Variants in DLGAP1 observed in about 807,000 individuals in gnomAD.
DLGAP1 encodes DLG associated protein 1, also known as disks large-associated protein 1.
In DLGAP1, 11 loss-of-function variants were observed where a neutral mutation model predicts 90.8. The ratio of observed to expected loss-of-function variants is 0.12; its 90% confidence interval spans 0.08 to 0.20. The LOEUF (loss-of-function observed/expected upper bound fraction) is 0.20, where lower values mean the gene tolerates loss of function less well. DLGAP1 is among the 10% of genes least tolerant of loss of function. DLGAP1 has a pLI of 1.00. For missense variants in DLGAP1, 1,050 were observed against 1,333.8 expected, an observed-to-expected ratio of 0.79 and a Z score of 3.31; for synonymous variants, 558 against 540.7, an observed-to-expected ratio of 1.03 and a Z score of -0.44.
chr18:3,816,191 A>G (rs2067095927), intron 4 of DLGAP1, among the ~76,000 whole-genome samples: 2 of 152,188 alleles, frequency 1.3e-5, no homozygotes, highest in African/African-American at 4.8e-5. Context: ...GAAGGTGAGT[A>G]ACTTGCCAAA....
Position 4,345,971 on chromosome 18 carries a change from G to A in DLGAP1, c.-267+109035C>T, listed in dbSNP as rs191352178. Reference sequence around the variant, plus strand: ...TTATATCTAAGCAAAGTGGATGCATGCTGATCCTTTCAAGAAGGTGTCCCG... The same window carrying A: ...TTATATCTAAGCAAAGTGGATGCATACTGATCCTTTCAAGAAGGTGTCCCG... On this transcript the variant is annotated intron_variant, in intron 1 of 12. Transcript: ENST00000315677. 1.3e-4 allele frequency among the ~76,000 whole-genome samples: 20 copies of A among 152,322 alleles called. No individual in the cohort carries two copies. In the East Asian group the frequency reaches 3.9e-3, roughly 29 times the overall value.
chr18:4,379,270 G>C (rs2082072229), intron 1 of DLGAP1, among the ~76,000 whole-genome samples: 1 of 152,070 alleles, frequency 6.6e-6, no homozygotes, highest in Non-Finnish European at 1.5e-5. Flanking sequence ...AGAGGAGATG[G>C]GACAGGAATA....
chr18:4,194,168 C>A (rs1479099928), intron 1 of DLGAP1, among the ~76,000 whole-genome samples: 1 of 152,106 alleles, frequency 6.6e-6, no homozygotes, highest in Non-Finnish European at 1.5e-5. Context: ...TTCCCTTCCG[C>A]ACCAGTAGAC....
chr18:3,622,797 CT>C (rs968901381), intron 7 of DLGAP1, among the ~76,000 whole-genome samples: 6 of 151,464 alleles, frequency 4.0e-5, no homozygotes, highest in Non-Finnish European at 7.4e-5. Context: ...TCATTGATTT[CT>C]TTTTTTTTCT....
At chr18:4,345,782 T>G (rs1320371177) in intron 1 of DLGAP1, among the ~76,000 whole-genome samples, 1 of 152,232 alleles carries the variant, frequency 6.6e-6, no homozygotes, top group Non-Finnish European at 1.5e-5. Context: ...GCTATGTGTC[T>G]AGTTAGTTAA....
At chr18:3,706,059 G>A (rs975584415) in intron 7 of DLGAP1, among the ~76,000 whole-genome samples, 7 of 149,478 alleles carry the variant, frequency 4.7e-5, no homozygotes, top group East Asian at 2.0e-4. Context: ...TTGCCCAGGC[G>A]CAATCTCTGC....
chr18:4,279,400 G>A (rs2079496675), intron 1 of DLGAP1, among the ~76,000 whole-genome samples: 1 of 152,106 alleles, frequency 6.6e-6, no homozygotes, highest in African/African-American at 2.4e-5. Flanking sequence ...ATATGTTTTT[G>A]CAGTGATTTC....
At chr18:4,163,682 A>G (rs1277680866) in intron 1 of DLGAP1, among the ~76,000 whole-genome samples, 1 of 152,232 alleles carries the variant, frequency 6.6e-6, no homozygotes, top group Non-Finnish European at 1.5e-5. Flanking sequence ...AAGCAAAAAC[A>G]GTGAACAGAA....
chr18:4,307,521 A>T (rs1468204005), intron 1 of DLGAP1, among the ~76,000 whole-genome samples: 4 of 152,144 alleles, frequency 2.6e-5, no homozygotes. Flanking sequence ...TACATAAATT[A>T]TTTCATGTAT....
intron 4 of DLGAP1, among the ~76,000 whole-genome samples, chr18:3,862,857 A>G (rs1228225715): frequency 6.6e-6 from 1 of 152,256 alleles, no homozygotes; most frequent in African/African-American, 2.4e-5. Context: ...CATGGAGGAC[A>G]GGCATTCAAG....
At chr18:3,858,259 T>A (rs1272628358) in intron 4 of DLGAP1, among the ~76,000 whole-genome samples, 1 of 152,122 alleles carries the variant, frequency 6.6e-6, no homozygotes, top group African/African-American at 2.4e-5. Context: ...AATCACTAAG[T>A]CCAGGTGATT....
At chr18:3,855,016 T>C (rs560845217) in intron 4 of DLGAP1, among the ~76,000 whole-genome samples, 1 of 152,266 alleles carries the variant, frequency 6.6e-6, no homozygotes, top group African/African-American at 2.4e-5. Context: ...ATATTCACAA[T>C]AGCAAAGTCA....
Position 4,343,420 on chromosome 18 carries a change from G to A in DLGAP1, c.-267+111586C>T, listed in dbSNP as rs1684945845. Among the ~76,000 whole-genome samples the A allele has an allele frequency of 5.3e-5, 8 of 152,148 alleles. No individual in the cohort carries two copies. The South Asian group carries it at 1.7e-3, about 32-fold the overall frequency. ...TTATACAGAGTGAGTTGTGGATAGT[G>A]GTAGTATCCTGATTACTTAATATTT... On this transcript the variant is annotated intron_variant, in intron 1 of 12. Transcript: ENST00000315677.
chr18:4,294,372 G>A (rs1331385039), intron 1 of DLGAP1: 1 of 152,260 alleles, frequency 6.6e-6, no homozygotes, highest in Non-Finnish European at 1.5e-5. Context: ...GGTGGCCTGG[G>A]AAGACCACAC....
At position 3,574,803 on chromosome 18, in the gene DLGAP1, T is replaced by C. The variant is rs2055012777; in HGVS notation, c.1965+7072A>G. Among the ~76,000 whole-genome samples, 3 of 113,216 alleles carry C rather than the reference T, an allele frequency of 2.6e-5. No homozygotes were observed. In the Admixed American group the frequency reaches 3.0e-4, roughly 11 times the overall value. The allele number at this position is 113,216 out of a possible 152,430, so 74.3% of individuals were successfully genotyped here. On this transcript the variant is annotated intron_variant, in intron 8 of 12. Transcript: ENST00000315677. ...CTTTTTATTTTATTTTATTTTATTT[T>C]ATTTTATTTTATTTTATTTTATTTA...
chr18:3,613,752 G>A (rs1286397679), intron 7 of DLGAP1, among the ~76,000 whole-genome samples: 1 of 152,166 alleles, frequency 6.6e-6, no homozygotes, highest in East Asian at 1.9e-4. Context: ...GTGTCCAAAG[G>A]CAATACAGTT....
intron 2 of DLGAP1, among the ~76,000 whole-genome samples, chr18:4,077,833 A>G (rs1027769510): frequency 2.6e-5 from 4 of 152,246 alleles, no homozygotes; most frequent in African/African-American, 9.6e-5. Context: ...ATGTAAATTT[A>G]AACAAACTAT....
chr18:3,842,969 G>A (rs1365404948), intron 4 of DLGAP1, among the ~76,000 whole-genome samples: 4 of 152,134 alleles, frequency 2.6e-5, no homozygotes, highest in Non-Finnish European at 4.4e-5. Flanking sequence ...TGAGCTTCAC[G>A]TGTATTTGGG....
chr18:3,921,815 T>C (rs1289544965), intron 3 of DLGAP1, among the ~76,000 whole-genome samples: 1 of 152,146 alleles, frequency 6.6e-6, no homozygotes, highest in African/African-American at 2.4e-5. Context: ...TTGCAACAAG[T>C]AATTGGAATT....
Sources: gnomAD v4.1 joint callset for allele counts (sites outside exome capture counted in the v4.1 genomes callset) on GRCh38, gnomAD v4.1.1 for gene constraint, MANE v1.5 for transcripts, NCBI Gene and HGNC (gene_info 2026-07-23, HGNC 2026-07-21) for gene names.